CNTNAP4: variants seen among roughly 807,000 people sequenced by gnomAD.
CNTNAP4 encodes contactin-associated protein-like 4.
A neutral mutation model predicts 148.4 loss-of-function variants in CNTNAP4; 98 were observed. The ratio of observed to expected loss-of-function variants is 0.66; its 90% CI spans 0.56 to 0.78. The LOEUF is 0.78. Ranked by LOEUF, CNTNAP4 falls within the 30% of genes least tolerant of loss-of-function variation. The pLI, the probability that CNTNAP4 is intolerant of heterozygous loss-of-function variation, is 0.00. For synonymous variants in CNTNAP4, 730 were observed against 565.1 expected (o/e 1.29, Z -4.14); for missense variants, 1,935 against 1,565.6 (o/e 1.24, Z -3.98).
intron 4 of CNTNAP4, among the ~76,000 whole-genome samples, chr16:76,431,187 A>C (rs1269762775): frequency 6.6e-6 from 1 of 152,196 alleles, no homozygotes; most frequent in Non-Finnish European, 1.5e-5. Flanking sequence ...AGGATGGTCC[A>C]AATAGGAAAA....
chr16:76,426,380 C>T (rs1230709269), intron 3 of CNTNAP4, among the ~76,000 whole-genome samples: 1 of 152,174 alleles, frequency 6.6e-6, no homozygotes, highest in East Asian at 1.9e-4. Flanking sequence ...CAGTCATAGG[C>T]AAGGGACTTA....
intron 3 of CNTNAP4, among the ~76,000 whole-genome samples, chr16:76,356,652 T>A (rs66508951): frequency 1.8e-3 from 278 of 152,208 alleles, no homozygotes; most frequent in African/African-American, 6.4e-3. Flanking sequence ...TATTCTCCCC[T>A]CTCTGGCTGA....
chr16:76,525,092 T>A (rs2083659809), intron 17 of CNTNAP4, among the ~76,000 whole-genome samples: 1 of 152,116 alleles, frequency 6.6e-6, no homozygotes, highest in African/African-American at 2.4e-5. Flanking sequence ...GGAAAGGGCT[T>A]CAATCAAGCT....
intron 15 of CNTNAP4, among the ~76,000 whole-genome samples, chr16:76,502,814 GA>G (rs967817597): frequency 1.2e-4 from 18 of 150,144 alleles, no homozygotes; most frequent in African/African-American, 3.9e-4. Context: ...TTTTTTAACA[GA>G]AAAAAAAGTG....
At chr16:76,419,515 T>C (rs1320157307) in intron 3 of CNTNAP4, among the ~76,000 whole-genome samples, 1 of 152,010 alleles carries the variant, frequency 6.6e-6, no homozygotes, top group African/African-American at 2.4e-5. Flanking sequence ...CTCACTCTCA[T>C]GCTAGTCTAC....
rs151018615 is a variant in CNTNAP4 at position 76,540,101 on chromosome 16, A to G, written c.3354+249A>G. Among the ~76,000 whole-genome samples the G allele has an allele frequency of 3.3e-3, 500 of 152,162 alleles. 6 individuals are homozygous for G. The highest frequency in any genetic ancestry group is 0.012 in the African/African-American group (477 of 41,454). On this transcript the variant is annotated intron_variant, in intron 20 of 23. Coordinates refer to ENST00000611870, the MANE Select transcript of CNTNAP4 (RefSeq NM_033401.5). Reference sequence around the variant, plus strand: ...TTCTGCTCAGAAGGAAAATGATGTCATAGTGTGCTACTGGTAGGACCATTG... The same window carrying G: ...TTCTGCTCAGAAGGAAAATGATGTCGTAGTGTGCTACTGGTAGGACCATTG...
At chr16:76,375,234 T>C (rs113881615) in intron 3 of CNTNAP4, among the ~76,000 whole-genome samples, 5,639 of 152,070 alleles carry the variant, frequency 0.037, 323 homozygotes, top group African/African-American at 0.13. Context: ...CCAGCCTGGT[T>C]AACATGGTAA....
chr16:76,442,532 A>G (rs1169312824), intron 4 of CNTNAP4, among the ~76,000 whole-genome samples: 3 of 152,138 alleles, frequency 2.0e-5, no homozygotes, highest in Admixed American at 6.6e-5. Flanking sequence ...GCATGGTGCT[A>G]ACATCTGCTG....
chr16:76,520,253 GC>G (rs2083405125), intron 15 of CNTNAP4, among the ~76,000 whole-genome samples: 1 of 152,102 alleles, frequency 6.6e-6, no homozygotes, highest in African/African-American at 2.4e-5. Context: ...GTCAGCTCAT[GC>G]TGTTGCATTT....
At chr16:76,522,491 C>G (rs1484407661) in intron 17 of CNTNAP4, among the ~76,000 whole-genome samples, 1 of 152,084 alleles carries the variant, frequency 6.6e-6, no homozygotes, top group Non-Finnish European at 1.5e-5. Context: ...GGTTGACTTG[C>G]CTACAGAAAT....
chr16:76,347,711 A>G (rs1965025168), intron 2 of CNTNAP4, among the ~76,000 whole-genome samples: 1 of 152,148 alleles, frequency 6.6e-6, no homozygotes, highest in Admixed American at 6.6e-5. Context: ...CAGAAACAAG[A>G]GCTTAATACA....
intron 4 of CNTNAP4, among the ~76,000 whole-genome samples, chr16:76,441,599 C>T (rs953763697): frequency 2.6e-5 from 4 of 152,082 alleles, no homozygotes; most frequent in Non-Finnish European, 5.9e-5. Context: ...TGGGTAGGAG[C>T]TGACAGACAC....
intron 3 of CNTNAP4, among the ~76,000 whole-genome samples, chr16:76,359,782 A>G (rs910453452): frequency 5.9e-5 from 9 of 152,232 alleles, no homozygotes; most frequent in Non-Finnish European, 4.4e-5. Flanking sequence ...ATTCCTCAAC[A>G]TCTATAATAA....
At chr16:76,424,998 A>G (rs990025691) in intron 3 of CNTNAP4, among the ~76,000 whole-genome samples, 6 of 152,148 alleles carry the variant, frequency 3.9e-5, no homozygotes, top group Admixed American at 3.3e-4. Context: ...TTGGGTGGGA[A>G]TAAGATTTGG....
intron 2 of CNTNAP4, among the ~76,000 whole-genome samples, chr16:76,347,351 T>C (rs1964994509): frequency 6.6e-6 from 1 of 152,204 alleles, no homozygotes; most frequent in Admixed American, 6.5e-5. Context: ...GTAAATACTT[T>C]TTTAAGCACC....
intron 15 of CNTNAP4, among the ~76,000 whole-genome samples, chr16:76,512,683 C>T (rs368929232): frequency 6.6e-6 from 1 of 152,060 alleles, no homozygotes; most frequent in Admixed American, 6.6e-5. Context: ...CAAGATGGAA[C>T]AGCAGGAGTT....
At chr16:76,440,179 T>C (rs1451973422) in intron 4 of CNTNAP4, among the ~76,000 whole-genome samples, 3 of 152,152 alleles carry the variant, frequency 2.0e-5, no homozygotes, top group Admixed American at 2.0e-4. Flanking sequence ...ATTTTTTTTC[T>C]CTGATCTTTG....
At chr16:76,419,203 T>G (rs2079092451) in intron 3 of CNTNAP4, among the ~76,000 whole-genome samples, 1 of 152,008 alleles carries the variant, frequency 6.6e-6, no homozygotes, top group African/African-American at 2.4e-5. Context: ...TTCCAATCTA[T>G]TTCTGTGACG....
intron 12 of CNTNAP4, among the ~76,000 whole-genome samples, chr16:76,481,402 G>A (rs34687245): frequency 0.11 from 17,431 of 152,116 alleles, 1,157 homozygotes; most frequent in South Asian, 0.2. Flanking sequence ...AATAACAGCC[G>A]GGTGCAGTGG....
Sources: gnomAD v4.1 joint callset for allele counts (sites outside exome capture counted in the v4.1 genomes callset) on GRCh38, gnomAD v4.1.1 for gene constraint, MANE v1.5 for transcripts, NCBI Gene and HGNC (gene_info 2026-07-23, HGNC 2026-07-21) for gene names.